Variants in VSTM2L observed in about 807,000 individuals in gnomAD.
VSTM2L encodes the protein V-set and transmembrane domain-containing protein 2-like protein.
VSTM2L carries 9 observed loss-of-function variants against 19.9 expected under a neutral mutation model. That is an observed-to-expected ratio of 0.45 (90% confidence interval 0.27 to 0.79). The LOEUF (loss-of-function observed/expected upper bound fraction) is 0.79. Ranked by LOEUF, VSTM2L falls within the 30% of genes least tolerant of loss-of-function variation. The pLI, the probability that VSTM2L is intolerant of heterozygous loss-of-function variation, is 0.15. For synonymous variants in VSTM2L, 127 were observed against 133.8 expected (o/e 0.95, Z 0.35); for missense variants, 286 against 295.5 (o/e 0.97, Z 0.24).
Position 37,903,304 on chromosome 20 carries a change from C to A in VSTM2L, c.-47C>A. ...CAGCTGGCGCCGGTTCTGCGGTCTC[C>A]GGGGCCCAGATGTGAGGCGGCGGCG... On this transcript the variant is annotated 5_prime_UTR_variant, in exon 1 of 4. Coordinates refer to ENST00000373461, the MANE Select transcript of VSTM2L (RefSeq NM_080607.3). The A allele has an allele frequency of 8.0e-6, 11 of 1,371,722 alleles. No homozygotes were observed. The highest frequency in any genetic ancestry group is 1.0e-5 in the Non-Finnish European group (11 of 1,069,454). The allele number at this position is 1,371,722 out of a possible 1,614,324, so 85.0% of individuals were successfully genotyped here.
chr20:37,921,427 C>G (rs1474809869), intron 1 of VSTM2L, among the ~76,000 whole-genome samples: 1 of 152,158 alleles, frequency 6.6e-6, no homozygotes, highest in African/African-American at 2.4e-5. Flanking sequence ...CCCCAGGCAG[C>G]CCGGAGTAGG....
At chr20:37,915,383 T>C (rs1031159549) in intron 1 of VSTM2L, among the ~76,000 whole-genome samples, 1 of 151,878 alleles carries the variant, frequency 6.6e-6, no homozygotes, top group African/African-American at 2.4e-5. Flanking sequence ...CCCAACCCCT[T>C]CAGCCATGAA....
At chr20:37,930,569 A>G (rs1053784538) in intron 1 of VSTM2L, among the ~76,000 whole-genome samples, 4 of 152,208 alleles carry the variant, frequency 2.6e-5, no homozygotes, top group African/African-American at 9.7e-5. Flanking sequence ...ACATCTCAGG[A>G]CAATATTTGT....
At position 37,911,083 on chromosome 20, in the gene VSTM2L, C is replaced by T. The variant is rs148603213; in HGVS notation, c.121+7612C>T. Among the ~76,000 whole-genome samples the T allele has an allele frequency of 1.0e-3, 153 of 151,422 alleles. 1 individual carries two copies. Among genetic ancestry groups the T allele is most frequent in the Middle Eastern group, 3.4e-3 (1 of 294 alleles). On this transcript the variant is annotated intron_variant, in intron 1 of 3. Coordinates refer to ENST00000373461, the MANE Select transcript of VSTM2L (RefSeq NM_080607.3). ...GTCAGGAGTTCAAGACCACCCTGGC[C>T]AAGATGGTGAAACACCATCTCTACT...
chr20:37,924,511 A>AC (rs1248902318), intron 1 of VSTM2L, among the ~76,000 whole-genome samples: 3 of 146,932 alleles, frequency 2.0e-5, no homozygotes, highest in Admixed American at 2.0e-4. Context: ...CCGAGATGGC[A>AC]CCACTGCACT....
chr20:37,940,336 C>T (rs1449869253), intron 3 of VSTM2L, among the ~76,000 whole-genome samples: 1 of 152,246 alleles, frequency 6.6e-6, no homozygotes, highest in Non-Finnish European at 1.5e-5. Flanking sequence ...GGGAGGGTTT[C>T]CCACTGCTTG....
chr20:37,905,693 C>T (rs1281029882), intron 1 of VSTM2L, among the ~76,000 whole-genome samples: 1 of 152,130 alleles, frequency 6.6e-6, no homozygotes, highest in African/African-American at 2.4e-5. Context: ...GGCTGCCTTC[C>T]CCCGACATTG....
At chr20:37,943,918 C>CGGGGGGGGGGGTG in intron 3 of VSTM2L, 63 bp from the exon 4 acceptor site, 1 of 871,874 alleles carries the variant, frequency 1.1e-6, no homozygotes, top group Non-Finnish European at 1.5e-6. Flanking sequence ...ACCCCCCCCC[C>CGGGGGGGGGGGTG]CGACTCTTCT....
intron 3 of VSTM2L, among the ~76,000 whole-genome samples, chr20:37,936,195 T>C (rs2012922): frequency 0.59 from 89,104 of 151,384 alleles, 26,236 homozygotes; most frequent in Middle Eastern, 0.67. Context: ...CGCGCCTGGT[T>C]GGTGTGGATC....
rs147122254 is a variant in VSTM2L at position 37,908,871 on chromosome 20, G to A, written c.121+5400G>A. On this transcript the variant is annotated intron_variant, in intron 1 of 3. Transcript: ENST00000373461. Reference sequence around the variant, plus strand: ...ATATGGAAGCAAGTGTGTGTTGAGTGCCATGCCAGGGCCTTGAATGGTATC... The same window carrying A: ...ATATGGAAGCAAGTGTGTGTTGAGTACCATGCCAGGGCCTTGAATGGTATC... Among the ~76,000 whole-genome samples the A allele has an allele frequency of 3.7e-3, 558 of 152,306 alleles. 6 individuals are homozygous for A. Among genetic ancestry groups the A allele is most frequent in the African/African-American group, 0.012 (500 of 41,574 alleles).
chr20:37,905,957 T>C (rs2072749857), intron 1 of VSTM2L, among the ~76,000 whole-genome samples: 2 of 151,384 alleles, frequency 1.3e-5, no homozygotes, highest in Admixed American at 1.3e-4. Context: ...TTTAGCAGAT[T>C]GGGGCCTGAT....
chr20:37,925,601 C>T lies in VSTM2L; in HGVS notation c.122-6034C>T, dbSNP rs896132293. On this transcript the variant is annotated intron_variant, in intron 1 of 3. Coordinates refer to ENST00000373461, the MANE Select transcript of VSTM2L (RefSeq NM_080607.3). ...GGAGGCCCAGATTTGTCGTCAGATG[C>T]CCAGAGCCTTGAGTTTCCCACTTGT... Among the ~76,000 whole-genome samples, 96 of 152,196 alleles carry T rather than the reference C, an allele frequency of 6.3e-4. 1 individual carries two copies. The highest frequency in any genetic ancestry group is 2.2e-3 in the African/African-American group (91 of 41,452).
chr20:37,939,323 CGGG>C (rs1447743766), intron 3 of VSTM2L, among the ~76,000 whole-genome samples: 1 of 151,854 alleles, frequency 6.6e-6, no homozygotes, highest in Non-Finnish European at 1.5e-5. Flanking sequence ...GGTGCTGAAG[CGGG>C]AGGATTGCTT....
In VSTM2L at chr20:37,937,404, T is replaced by G. The variant is rs6013476; in HGVS notation, c.342+3815T>G. On this transcript the variant is annotated intron_variant, in intron 3 of 3. Transcript: ENST00000373461. ...TTGCATCTGCTAAGGATTCCACCAT[T>G]AGGTGGAATCATTTCCATGGCTCAG... Among the ~76,000 whole-genome samples the G allele has an allele frequency of 7.3e-3, 1,112 of 152,150 alleles. 16 individuals are homozygous for G. The highest frequency in any genetic ancestry group is 0.024 in the African/African-American group (997 of 41,508).
At chr20:37,909,980 C>G (rs899119412) in intron 1 of VSTM2L, among the ~76,000 whole-genome samples, 2 of 152,170 alleles carry the variant, frequency 1.3e-5, no homozygotes, top group Non-Finnish European at 2.9e-5. Flanking sequence ...CACAGCCAGG[C>G]CTCCCTTCCC....
chr20:37,931,036 C>A (rs1474152065), intron 1 of VSTM2L, among the ~76,000 whole-genome samples: 1 of 152,042 alleles, frequency 6.6e-6, no homozygotes, highest in African/African-American at 2.4e-5. Flanking sequence ...GAAGGGCATT[C>A]CAGAAGGAGA....
At chr20:37,913,979 T>C (rs938250226) in intron 1 of VSTM2L, among the ~76,000 whole-genome samples, 3 of 151,984 alleles carry the variant, frequency 2.0e-5, no homozygotes, top group Non-Finnish European at 4.4e-5. Flanking sequence ...GATGCGGGCG[T>C]GCACGGACAG....
At chr20:37,914,357 GGTGTT>G (rs2072800075) in intron 1 of VSTM2L, among the ~76,000 whole-genome samples, 3 of 148,884 alleles carry the variant, frequency 2.0e-5, no homozygotes, top group East Asian at 2.0e-4. Context: ...ATGTGTGTGG[GGTGTT>G]TATATATGTG....
chr20:37,913,562 G>T (rs1398802977), intron 1 of VSTM2L, among the ~76,000 whole-genome samples: 1 of 152,242 alleles, frequency 6.6e-6, no homozygotes, highest in African/African-American at 2.4e-5. Flanking sequence ...GGACTCTTCA[G>T]GATCCCAGGG....
Sources: allele counts gnomAD v4.1 joint callset (sites outside exome capture counted in the v4.1 genomes callset), GRCh38; gene constraint gnomAD v4.1.1; transcripts MANE v1.5; gene names NCBI Gene and HGNC (gene_info 2026-07-23, HGNC 2026-07-21).